TRAPPC11: variants seen among roughly 807,000 people sequenced by gnomAD.
TRAPPC11 encodes the protein foie gras homolog.
In TRAPPC11, 104 loss-of-function variants were observed where a neutral mutation model predicts 151.2. The observed-to-expected ratio is 0.69, with a 90% confidence interval of 0.59 to 0.81. The LOEUF is 0.81. Ranked by LOEUF, TRAPPC11 falls within the 30% of genes least tolerant of loss-of-function variation. TRAPPC11 has a pLI of 0.00. For missense variants in TRAPPC11, 1,230 were observed against 1,349.6 expected, an observed-to-expected ratio of 0.91 and a Z score of 1.39; for synonymous variants, 456 against 472.3, an observed-to-expected ratio of 0.97 and a Z score of 0.45.
chr4:183,664,864 C>T (rs1008202926), intron 2 of TRAPPC11, among the ~76,000 whole-genome samples: 3 of 151,762 alleles, frequency 2.0e-5, no homozygotes, highest in Admixed American at 2.0e-4. Context: ...AGTCTCTGGA[C>T]CAAGTATGTC....
chr4:183,687,351 CTTTT>C (rs1736034536), intron 18 of TRAPPC11, among the ~76,000 whole-genome samples: 12 of 148,048 alleles, frequency 8.1e-5, no homozygotes, highest in Admixed American at 4.0e-4. Context: ...TTTTTTCTGT[CTTTT>C]TTGAGACGGG....
intron 10 of TRAPPC11, among the ~76,000 whole-genome samples, chr4:183,681,128 C>T (rs1016801077): frequency 3.3e-5 from 5 of 151,434 alleles, no homozygotes; most frequent in South Asian, 2.1e-4. Context: ...AAAATAAGAA[C>T]GTGGTATATA....
At chr4:183,692,357 T>C (rs1561051784) in intron 19 of TRAPPC11, among the ~76,000 whole-genome samples, 1 of 147,334 alleles carries the variant, frequency 6.8e-6, no homozygotes, top group Non-Finnish European at 1.5e-5. Context: ...GCTTTTATTA[T>C]TTGCTTATTC....
At chr4:183,682,954 G>T in intron 11 of TRAPPC11, 129 bp downstream of exon 11, 2 of 660,254 alleles carry the variant, frequency 3.0e-6, no homozygotes, top group Admixed American at 2.8e-5. Flanking sequence ...TTTAAACATT[G>T]TTTTTGTTTT....
At chr4:183,682,690 A>G (rs964175906) in intron 10 of TRAPPC11, 42 bp from the exon 11 acceptor site, 2 of 1,376,940 alleles carry the variant, frequency 1.5e-6, no homozygotes, top group East Asian at 2.4e-5. Context: ...ATTTGCGATG[A>G]GTTCCATAAA....
At chr4:183,690,392 T>C (rs1233720215) in intron 18 of TRAPPC11, among the ~76,000 whole-genome samples, 2 of 152,312 alleles carry the variant, frequency 1.3e-5, no homozygotes, top group East Asian at 1.9e-4. Context: ...ATGAGAATAG[T>C]GATTCCATAG....
Position 183,693,843 on chromosome 4 carries a change from C to T in TRAPPC11, c.2387-74C>T, listed in dbSNP as rs1007508921. The T allele has an allele frequency of 4.4e-5, 71 of 1,596,178 alleles. No individual in the cohort carries two copies. In the African/African-American group the frequency reaches 7.4e-4, roughly 17 times the overall value. ...GTTTACAAGAGGGTATGGCATAGTG[C>T]TCTTCACACAGTATTGATTATTGGG... On this transcript the variant is annotated intron_variant, in intron 21 of 29. Coordinates refer to ENST00000334690, the MANE Select transcript of TRAPPC11 (RefSeq NM_021942.6).
intron 5 of TRAPPC11, among the ~76,000 whole-genome samples, chr4:183,673,810 G>A (rs1735275276): frequency 6.6e-6 from 1 of 152,098 alleles, no homozygotes; most frequent in Non-Finnish European, 1.5e-5. Flanking sequence ...TTTCTTTCAC[G>A]CCCTAGGCAG....
chr4:183,690,634 A>G (rs1241677456), intron 18 of TRAPPC11, among the ~76,000 whole-genome samples: 2 of 152,200 alleles, frequency 1.3e-5, no homozygotes, highest in Non-Finnish European at 2.9e-5. Context: ...TACATTTCCA[A>G]TGAAGTGAAC....
intron 28 of TRAPPC11, among the ~76,000 whole-genome samples, 177 bp from the exon 29 acceptor site, chr4:183,708,230 C>T (rs1313090712): frequency 6.6e-6 from 1 of 152,104 alleles, no homozygotes; most frequent in African/African-American, 2.4e-5. Context: ...GTCCTAAACT[C>T]ATACTAATTC....
intron 17 of TRAPPC11, among the ~76,000 whole-genome samples, chr4:183,686,055 C>G (rs1158954831): frequency 6.6e-6 from 1 of 152,184 alleles, no homozygotes; most frequent in African/African-American, 2.4e-5. Flanking sequence ...CCAGGCTGGT[C>G]TTGAACTTCT....
Position 183,684,310 on chromosome 4 carries a change from C to A in TRAPPC11, c.1372C>A (p.Gln458Lys), listed in dbSNP as rs751781092. 2 of 1,613,572 alleles carry A rather than the reference C, an allele frequency of 1.2e-6. No individual in the cohort carries two copies. The highest frequency in any genetic ancestry group is 1.7e-5 in the Admixed American group (1 of 60,006). Residue 458 changes from glutamine (Q) to lysine (K), a missense_variant, in exon 14 of 30, where the codon CAG (glutamine) becomes AAG (lysine). Transcript: ENST00000334690. ...CPRMKSHLMVQMGEEYYYAKD... is the reference protein window; with the variant it reads ...CPRMKSHLMVKMGEEYYYAKD... ...AATCTTTTTTTCCTTTATAGTGGTT[C>A]AGATGGGAGAGGAATATTATTACGC... is the stretch of plus-strand genomic sequence containing the variant.
chr4:183,683,337 G>A (rs140909026), intron 11 of TRAPPC11, among the ~76,000 whole-genome samples: 9 of 152,094 alleles, frequency 5.9e-5, no homozygotes, highest in East Asian at 5.8e-4. Flanking sequence ...TACTTTATAC[G>A]TAATTTAATT....
chr4:183,668,112 TATAAG>T lies in TRAPPC11; in HGVS notation c.556_560del (p.Arg187GlyfsTer6). ...ACACTGACCACCTTGTGGGTTATAT[TATAAG>T]GTAAGTAGAGGTCTTTTAAAGTTTT... is the stretch of plus-strand genomic sequence containing the variant. On this transcript the variant is annotated frameshift_variant and splice_region_variant, in exon 5 of 30. Transcript: ENST00000334690. LOFTEE classifies it high-confidence loss of function. 6.3e-7 allele frequency: 1 copy of T among 1,592,864 alleles called. No individual in the cohort carries two copies. Among genetic ancestry groups the T allele is most frequent in the Non-Finnish European group, 8.6e-7 (1 of 1,164,382 alleles).
rs144914068 is a variant in TRAPPC11 at position 183,695,246 on chromosome 4, G to A, written c.2628+523G>A. On this transcript the variant is annotated intron_variant, in intron 23 of 29. Transcript: ENST00000334690. ...ATTACAGGCGTGATCCACTGGACCCGGCCTATATGGCTTTTCGTATAGAGG... is the reference window on the plus strand; with the variant it reads ...ATTACAGGCGTGATCCACTGGACCCAGCCTATATGGCTTTTCGTATAGAGG... Among the ~76,000 whole-genome samples, 23 of 152,092 alleles carry A rather than the reference G, an allele frequency of 1.5e-4. No individual in the cohort carries two copies. The East Asian group carries it at 3.5e-3, about 23-fold the overall frequency.
chr4:183,704,719 A>AG (rs1736968761), intron 26 of TRAPPC11, among the ~76,000 whole-genome samples: 1 of 152,092 alleles, frequency 6.6e-6, no homozygotes, highest in African/African-American at 2.4e-5. Flanking sequence ...AGGCTGAGGC[A>AG]GGAGAATGGT....
chr4:183,668,947 G>A (rs1197989010), intron 5 of TRAPPC11, among the ~76,000 whole-genome samples: 1 of 152,006 alleles, frequency 6.6e-6, no homozygotes, highest in East Asian at 1.9e-4. Context: ...TTTGAGTATT[G>A]CTTCTCTTGC....
chr4:183,702,039 G>A (rs1471827135), intron 26 of TRAPPC11, among the ~76,000 whole-genome samples: 1 of 152,138 alleles, frequency 6.6e-6, no homozygotes, highest in Non-Finnish European at 1.5e-5. Flanking sequence ...TACACAAAGG[G>A]TGTATGTATA....
At chr4:183,686,779 C>A (rs760226936) in intron 18 of TRAPPC11, 31 bp downstream of exon 18, 2 of 1,609,080 alleles carry the variant, frequency 1.2e-6, no homozygotes, top group South Asian at 1.1e-5. Flanking sequence ...GTTTTTACCA[C>A]GTTTATCTTA....
Sources: allele counts gnomAD v4.1 joint callset (sites outside exome capture counted in the v4.1 genomes callset), GRCh38; gene constraint gnomAD v4.1.1; transcripts MANE v1.5; gene names NCBI Gene and HGNC (gene_info 2026-07-23, HGNC 2026-07-21).